EMC10: variants seen among roughly 807,000 people sequenced by gnomAD.
EMC10 encodes the protein UPF0510 protein INM02.
In EMC10, 40 loss-of-function variants were observed where a neutral mutation model predicts 32.2. That is an observed-to-expected ratio of 1.24 (90% CI 0.96 to 1.61). The LOEUF is 1.61. Among genes scored for constraint, EMC10 ranks in the 40% most tolerant of loss-of-function variants. The probability of loss-of-function intolerance (pLI) is 0.00; values close to 1 mark genes in which losing one functional copy is unlikely to be tolerated. For missense variants in EMC10, 402 were observed against 357.7 expected, an observed-to-expected ratio of 1.12 and a Z score of -1.00; for synonymous variants, 178 against 158.4, an observed-to-expected ratio of 1.12 and a Z score of -0.93.
At position 50,485,305 on chromosome 19, in the gene EMC10, C is replaced by G. The variant is rs141484620; in HGVS notation, c.*3046C>G. ...CCTTCACCCTGGAGGTTCCAGACAGCCCCTCTTCACCAGCGATTCCCCAAC... is the reference window on the plus strand; with the variant it reads ...CCTTCACCCTGGAGGTTCCAGACAGGCCCTCTTCACCAGCGATTCCCCAAC... On this transcript the variant is annotated 3_prime_UTR_variant, in exon 7 of 7. Transcript: ENST00000334976. 6.4e-3 allele frequency: 974 copies of G among 152,338 alleles called. 11 individuals carry two copies. The highest frequency in any genetic ancestry group is 0.01 in the Non-Finnish European group (708 of 68,088). 9.4% of individuals were successfully genotyped at this position (152,338 alleles called of 1,614,324 possible). A position where few individuals can be genotyped will look rare whatever the true frequency, so the allele number is the denominator to read the frequency against.
chr19:50,481,961 CCCCTGCCCCT>C, intron 6 of EMC10, 178 bp from the exon 7 acceptor site: 1 of 1,608,012 alleles, frequency 6.2e-7, no homozygotes, highest in Admixed American at 1.7e-5. Context: ...AGGACCGAGA[CCCCTGCCCCT>C]CCCTGCGCCC....
chr19:50,482,040 A>C (rs1601328127), intron 6 of EMC10, 109 bp from the exon 7 acceptor site: 3 of 1,495,866 alleles, frequency 2.0e-6, no homozygotes, highest in East Asian at 4.5e-5. Context: ...CCCTTACGCG[A>C]CCTCCCCTCA....
intron 3 of EMC10, 140 bp from the exon 4 acceptor site, chr19:50,479,971 T>C (rs766733447): frequency 2.7e-5 from 18 of 670,910 alleles, no homozygotes; most frequent in Non-Finnish European, 4.0e-5. Flanking sequence ...CTGGGTCGAC[T>C]CAGGTTGGCT....
chr19:50,479,937 CG>C (rs1431588458), intron 3 of EMC10, among the ~76,000 whole-genome samples, 173 bp from the exon 4 acceptor site: 1 of 152,158 alleles, frequency 6.6e-6, no homozygotes, highest in African/African-American at 2.4e-5. Flanking sequence ...ACCCACCAGC[CG>C]GGCCACCCCA....
Position 50,476,549 on chromosome 19 carries a change from C to T in EMC10, c.5C>T (p.Ala2Val). Residue 2 changes from alanine to valine, a missense_variant, in exon 1 of 7, where the codon GCG (alanine) becomes GTG (valine). Ala to Val is a moderately conservative substitution (Grantham distance 64). Transcript: ENST00000334976. M[A>V]AASAGATRLL... ...CGCTGGTGGGAAGAAGCCGAGATGG[C>T]GGCAGCCAGCGCTGGGGCAACCCGG... 4 of 1,571,950 alleles carry T rather than the reference C, an allele frequency of 2.5e-6. No homozygotes were observed. The highest frequency in any genetic ancestry group is 3.4e-6 in the Non-Finnish European group (4 of 1,164,458).
At position 50,480,011 on chromosome 19, in the gene EMC10, T is replaced by C; in HGVS notation, c.298-100T>C. The C allele has an allele frequency of 6.6e-6, 6 of 906,184 alleles. No homozygotes were observed. In the South Asian group the frequency reaches 1.0e-4, roughly 15 times the overall value. 56.1% of individuals were successfully genotyped at this position (906,184 alleles called of 1,614,324 possible). On this transcript the variant is annotated intron_variant, in intron 3 of 6. Transcript: ENST00000334976. The surrounding 1 kb of genome is among the most constrained non-coding windows in gnomAD (Gnocchi z 4.4). ...TGGGGAGTGTGGGCCGTGAGGTGGG[T>C]GGGGCTGGAGAGGGGCCTTCGCGGA...
Position 50,481,052 on chromosome 19 carries a change from A to C in EMC10, c.678+75A>C, listed in dbSNP as rs1437052022. ...GCCTGGCCAGGCCCTCCATGCTCCC[A>C]CCCAGACTCCCCTATGGTGCTCGGG... On this transcript the variant is annotated intron_variant, in intron 6 of 6. Coordinates refer to ENST00000334976, the MANE Select transcript of EMC10 (RefSeq NM_206538.4). 5.9e-6 allele frequency: 7 copies of C among 1,181,238 alleles called. No homozygotes were observed. In the Admixed American group the frequency reaches 1.4e-4, roughly 23 times the overall value. The allele number at this position is 1,181,238 out of a possible 1,614,324, so 73.2% of individuals were successfully genotyped here. A position where few individuals can be genotyped will look rare whatever the true frequency, so the allele number is the denominator to read the frequency against.
rs1386062873 is a variant in EMC10 at position 50,489,348 on chromosome 19, G to C, written c.*7089G>C. 6.6e-6 allele frequency: 1 copy of C among 152,364 alleles called. No individual in the cohort carries two copies. The highest frequency in any genetic ancestry group is 1.5e-5 in the Non-Finnish European group (1 of 68,192). The allele number at this position is 152,364 out of a possible 1,614,324, so 9.4% of individuals were successfully genotyped here. A position where few individuals can be genotyped will look rare whatever the true frequency, so the allele number is the denominator to read the frequency against. ...CAGAAAGGAAAGAAGAGGTGCATGA[G>C]TGTGGAAGAGCAATATGGAGAGAAA... On this transcript the variant is annotated 3_prime_UTR_variant, in exon 7 of 7. Transcript: ENST00000334976.
chr19:50,486,046 A>G lies in EMC10; in HGVS notation c.*3787A>G, dbSNP rs968024679. 1 of 152,204 alleles carries G rather than the reference A, an allele frequency of 6.6e-6. No homozygotes were observed. Among genetic ancestry groups the G allele is most frequent in the East Asian group, 1.9e-4 (1 of 5,194 alleles). The allele number at this position is 152,204 out of a possible 1,614,324, so 9.4% of individuals were successfully genotyped here. ...CTTCCTCTTCCCAGCCTAGGGTTTC[A>G]TGTGGGCATTTAGGTGCTCCCAGTA... is the stretch of plus-strand genomic sequence containing the variant. On this transcript the variant is annotated 3_prime_UTR_variant, in exon 7 of 7. Coordinates refer to ENST00000334976, the MANE Select transcript of EMC10 (RefSeq NM_206538.4).
In EMC10 at chr19:50,482,441, G is replaced by A. The variant is rs1000622769; in HGVS notation, c.*182G>A. The A allele has an allele frequency of 5.6e-5, 33 of 591,606 alleles. No individual in the cohort carries two copies. Among genetic ancestry groups the A allele is most frequent in the Non-Finnish European group, 8.7e-5 (29 of 332,442 alleles). The allele number at this position is 591,606 out of a possible 1,614,324, so 36.6% of individuals were successfully genotyped here. A position where few individuals can be genotyped will look rare whatever the true frequency, so the allele number is the denominator to read the frequency against. The stretch of plus-strand genomic sequence containing the variant: ...CTGCTGGCAGAGGAGCAGCTGGACT[G>A]GGGCCTTTGGCACAGCAGCCGGTGT... On this transcript the variant is annotated 3_prime_UTR_variant, in exon 7 of 7. Coordinates refer to ENST00000334976, the MANE Select transcript of EMC10 (RefSeq NM_206538.4).
intron 1 of EMC10, chr19:50,476,868 C>G (rs1287311818): frequency 4.4e-6 from 2 of 454,206 alleles, no homozygotes; most frequent in Non-Finnish European, 3.9e-6. Flanking sequence ...GACAAGCGCA[C>G]CTGTCGGAAG....
At chr19:50,481,869 C>A (rs2040323974) in intron 6 of EMC10, 2 of 1,581,534 alleles carry the variant, frequency 1.3e-6, no homozygotes, top group African/African-American at 1.3e-5. Context: ...AGTGGCACAT[C>A]ATCCTGGGGG....
Position 50,480,815 on chromosome 19 carries a change from G to C in EMC10, c.584+53G>C. On this transcript the variant is annotated intron_variant, in intron 5 of 6. Coordinates refer to ENST00000334976, the MANE Select transcript of EMC10 (RefSeq NM_206538.4). The surrounding 1 kb of genome is among the most constrained non-coding windows in gnomAD (Gnocchi z 4.4). Reference sequence around the variant, plus strand: ...CTTGCCACCTGCCCCGGCCCTTCCTGGCGGCCTCAGGGTCTCCAGGTCCCT... The same window carrying C: ...CTTGCCACCTGCCCCGGCCCTTCCTCGCGGCCTCAGGGTCTCCAGGTCCCT... 1.9e-6 allele frequency: 3 copies of C among 1,565,724 alleles called. No homozygotes were observed. The highest frequency in any genetic ancestry group is 2.6e-6 in the Non-Finnish European group (3 of 1,152,852).
rs1034624348 is a variant in EMC10, at chr19:50,487,202, C to T, written c.*4943C>T. 2 of 152,344 alleles carry T rather than the reference C, an allele frequency of 1.3e-5. No individual in the cohort carries two copies. The highest frequency in any genetic ancestry group is 2.4e-5 in the African/African-American group (1 of 41,558). 9.4% of individuals were successfully genotyped at this position (152,344 alleles called of 1,614,324 possible). On this transcript the variant is annotated 3_prime_UTR_variant, in exon 7 of 7. Coordinates refer to ENST00000334976, the MANE Select transcript of EMC10 (RefSeq NM_206538.4). ...ATTTTCTCATTTCTGAAATGGAATT[C>T]AGGTGAGGTCCCCTCAGTGCTGAGG...
At position 50,482,900 on chromosome 19, in the gene EMC10, G is replaced by A. The variant is rs1342097778; in HGVS notation, c.*641G>A. ...TGCCTGGTGCAAACAAGGAATCCTT[G>A]CCTTTAAGGTGACAGGCCCTCCACA... On this transcript the variant is annotated 3_prime_UTR_variant, in exon 7 of 7. Coordinates refer to ENST00000334976, the MANE Select transcript of EMC10 (RefSeq NM_206538.4). 2 of 547,460 alleles carry A rather than the reference G, an allele frequency of 3.7e-6. No homozygotes were observed. Among genetic ancestry groups the A allele is most frequent in the African/African-American group, 1.9e-5 (1 of 52,228 alleles). 33.9% of individuals were successfully genotyped at this position (547,460 alleles called of 1,614,324 possible). A position where few individuals can be genotyped will look rare whatever the true frequency, so the allele number is the denominator to read the frequency against.
rs760527380 is a variant in EMC10 at position 50,480,027 on chromosome 19, C to A, written c.298-84C>A. The A allele has an allele frequency of 2.1e-4, 234 of 1,108,178 alleles. 6 individuals are homozygous for A. The highest frequency in any genetic ancestry group is 1.4e-4 in the Non-Finnish European group (110 of 772,550). The allele number at this position is 1,108,178 out of a possible 1,614,324, so 68.6% of individuals were successfully genotyped here. Reference sequence around the variant, plus strand: ...TGAGGTGGGTGGGGCTGGAGAGGGGCCTTCGCGGAGGCCTGGTGGGCATCA... The same window carrying A: ...TGAGGTGGGTGGGGCTGGAGAGGGGACTTCGCGGAGGCCTGGTGGGCATCA... On this transcript the variant is annotated intron_variant, in intron 3 of 6. Transcript: ENST00000334976. The surrounding 1 kb of genome is among the most constrained non-coding windows in gnomAD (Gnocchi z 4.4).
In EMC10 at chr19:50,480,363, G is replaced by T; in HGVS notation, c.402+148G>T. 1 of 966,598 alleles carries T rather than the reference G, an allele frequency of 1.0e-6. No individual in the cohort carries two copies. The highest frequency in any genetic ancestry group is 1.5e-6 in the Non-Finnish European group (1 of 646,838). The allele number at this position is 966,598 out of a possible 1,614,324, so 59.9% of individuals were successfully genotyped here. ...CTGGCCTTGCCTTCCGAGGCCTCCT[G>T]GTCTGGAGGGGTCGGTCCAGGTAGC... On this transcript the variant is annotated intron_variant, in intron 4 of 6. Coordinates refer to ENST00000334976, the MANE Select transcript of EMC10 (RefSeq NM_206538.4). The surrounding 1 kb of genome is among the most constrained non-coding windows in gnomAD (Gnocchi z 4.4).
rs1299815918 is a variant in EMC10 at position 50,476,559 on chromosome 19, C to G, written c.15C>G (p.Ser5Arg). 1.3e-6 allele frequency: 2 copies of G among 1,574,488 alleles called. No homozygotes were observed. The highest frequency in any genetic ancestry group is 1.8e-5 in the Admixed American group (1 of 56,396). The change falls in exon 1 of 7, where the codon AGC becomes AGG. Residue 5 changes from serine to arginine, a missense_variant. Physicochemically the swap from Ser to Arg is moderately radical, Grantham distance 110 (BLOSUM62 -1). Coordinates refer to ENST00000334976, the MANE Select transcript of EMC10 (RefSeq NM_206538.4). ...AAGAAGCCGAGATGGCGGCAGCCAG[C>G]GCTGGGGCAACCCGGCTGCTCCTGC... is the stretch of plus-strand genomic sequence containing the variant. MAAASAGATRLLLLL... is the reference protein window; with the variant it reads MAAARAGATRLLLLL...
rs546423978 is a variant in EMC10, at chr19:50,486,022, T to G, written c.*3763T>G. On this transcript the variant is annotated 3_prime_UTR_variant, in exon 7 of 7. Coordinates refer to ENST00000334976, the MANE Select transcript of EMC10 (RefSeq NM_206538.4). ...TCGGCTGCGTGGCATTGCGAAAGCCTTCCTCTTCCCAGCCTAGGGTTTCAT... is the reference window on the plus strand; with the variant it reads ...TCGGCTGCGTGGCATTGCGAAAGCCGTCCTCTTCCCAGCCTAGGGTTTCAT... The G allele has an allele frequency of 8.0e-4, 122 of 152,318 alleles. No individual in the cohort carries two copies. The highest frequency in any genetic ancestry group is 2.9e-3 in the African/African-American group (121 of 41,572). The allele number at this position is 152,318 out of a possible 1,614,324, so 9.4% of individuals were successfully genotyped here.
Sources: gnomAD v4.1 joint callset for allele counts (sites outside exome capture counted in the v4.1 genomes callset) on GRCh38, gnomAD v4.1.1 for gene constraint, Gnocchi (gnomAD v3.1) non-coding constraint, MANE v1.5 for transcripts, NCBI Gene and HGNC (gene_info 2026-07-23, HGNC 2026-07-21) for gene names.